The following PPP6C variants were observed in gnomAD, a reference collection of about 807,000 sequenced individuals.
PPP6C encodes the protein serine/threonine-protein phosphatase 6 catalytic subunit.
A neutral mutation model predicts 39.8 loss-of-function variants in PPP6C; 11 were observed. That is an observed-to-expected ratio of 0.28 (90% CI 0.17 to 0.46). The LOEUF (loss-of-function observed/expected upper bound fraction) is 0.46. Among genes scored for constraint, PPP6C ranks in the 20% least tolerant of loss-of-function variants. The probability of loss-of-function intolerance (pLI) is 1.00; values close to 1 mark genes in which losing one functional copy is unlikely to be tolerated. For synonymous variants in PPP6C, 129 were observed against 130.3 expected (o/e 0.99, Z 0.07); for missense variants, 211 against 373.9 (o/e 0.56, Z 3.59).
chr9:125,187,742 A>G (rs1332800643), intron 1 of PPP6C, among the ~76,000 whole-genome samples: 10 of 151,998 alleles, frequency 6.6e-5, no homozygotes. Context: ...TTAGTTTTCC[A>G]TGAATTGGGT....
intron 4 of PPP6C, among the ~76,000 whole-genome samples, chr9:125,154,842 T>G (rs998550451): frequency 6.6e-6 from 1 of 152,174 alleles, no homozygotes; most frequent in Non-Finnish European, 1.5e-5. Flanking sequence ...TGAGGACAGA[T>G]TGCCAATCAG....
chr9:125,184,865 C>A (rs1394731770), intron 1 of PPP6C, among the ~76,000 whole-genome samples: 1 of 150,792 alleles, frequency 6.6e-6, no homozygotes, highest in African/African-American at 2.4e-5. Context: ...ACCTGTAATC[C>A]CAGCTGAGGC....
In PPP6C at chr9:125,174,555, A is replaced by G. The variant is rs80189701; in HGVS notation, c.76-3375T>C. Reference sequence around the variant, plus strand: ...TTTGTGTTGAATTTTCCACACCTATATGCTTCAACAAATCAATCCATGGTC... The same window carrying G: ...TTTGTGTTGAATTTTCCACACCTATGTGCTTCAACAAATCAATCCATGGTC... On this transcript the variant is annotated intron_variant, in intron 1 of 6. Transcript: ENST00000373547. Among the ~76,000 whole-genome samples the G allele has an allele frequency of 9.7e-4, 147 of 151,922 alleles. 1 individual carries two copies. The highest frequency in any genetic ancestry group is 3.4e-3 in the African/African-American group (139 of 41,450).
rs1396703747 is a variant in PPP6C, at chr9:125,160,901, A to G, written c.177T>C (p.Tyr59=). ...TVCGDIHGQF[Y]DLCELFRTGG... ...CAGTTCTGAACAGTTCACAAAGGTC[A>G]TAAAACTATAAAAGAAATGCAATAC... The change falls in exon 3 of 7, where the codon TAT becomes TAC. Residue 59 remains tyrosine (Y), a synonymous_variant. Coordinates refer to ENST00000373547, the MANE Select transcript of PPP6C (RefSeq NM_002721.5). 1 of 1,570,838 alleles carries G rather than the reference A, an allele frequency of 6.4e-7. No individual in the cohort carries two copies. The highest frequency in any genetic ancestry group is 8.6e-7 in the Non-Finnish European group (1 of 1,162,764).
At chr9:125,164,218 CTTTT>C (rs10684647) in intron 2 of PPP6C, among the ~76,000 whole-genome samples, 1 of 74,752 alleles carries the variant, frequency 1.3e-5, no homozygotes, top group Non-Finnish European at 2.6e-5. Context: ...CCCTCACTCT[CTTTT>C]TTTTTTTTTT....
chr9:125,155,999 GGTGT>G (rs1588274646), intron 4 of PPP6C, among the ~76,000 whole-genome samples: 1 of 151,478 alleles, frequency 6.6e-6, no homozygotes, highest in African/African-American at 2.4e-5. Flanking sequence ...ATATATAGTA[GGTGT>G]GTGTGTTTTT....
At chr9:125,156,361 C>T (rs907575861) in intron 4 of PPP6C, among the ~76,000 whole-genome samples, 4 of 152,284 alleles carry the variant, frequency 2.6e-5, no homozygotes, top group Admixed American at 2.6e-4. Flanking sequence ...GCAACCTCCA[C>T]CTCCCGGGTT....
intron 1 of PPP6C, among the ~76,000 whole-genome samples, chr9:125,173,500 C>G (rs1829222951): frequency 6.6e-6 from 1 of 150,768 alleles, no homozygotes; most frequent in Non-Finnish European, 1.5e-5. Flanking sequence ...ATCGCTTGAA[C>G]CCAGGAGACA....
chr9:125,152,121 G>T (rs555784454), intron 6 of PPP6C, among the ~76,000 whole-genome samples: 1 of 152,058 alleles, frequency 6.6e-6, no homozygotes, highest in Non-Finnish European at 1.5e-5. Flanking sequence ...GGGGGTGGGG[G>T]GTGGTTGAGG....
At chr9:125,177,631 A>G (rs890649720) in intron 1 of PPP6C, among the ~76,000 whole-genome samples, 1 of 152,098 alleles carries the variant, frequency 6.6e-6, no homozygotes, top group Non-Finnish European at 1.5e-5. Context: ...AACATCTCAC[A>G]CTTGAGTGGT....
intron 1 of PPP6C, among the ~76,000 whole-genome samples, chr9:125,178,224 C>G (rs564400238): frequency 6.6e-6 from 1 of 152,274 alleles, no homozygotes; most frequent in East Asian, 1.9e-4. Flanking sequence ...AAGAAACTGC[C>G]AAACCGTCTT....
At chr9:125,172,503 C>T (rs1268871860) in intron 1 of PPP6C, among the ~76,000 whole-genome samples, 1 of 152,082 alleles carries the variant, frequency 6.6e-6, no homozygotes, top group East Asian at 1.9e-4. Flanking sequence ...CCACTGCACT[C>T]GGCCGTGTTT....
Position 125,189,785 on chromosome 9 carries a change from AG to A in PPP6C, c.-68del. On this transcript the variant is annotated 5_prime_UTR_variant, in exon 1 of 7. Coordinates refer to ENST00000373547, the MANE Select transcript of PPP6C (RefSeq NM_002721.5). ...GTAGCAGCGGCGGCGGCAGCGGCGG[AG>A]GCCGAAGCCGGAACTTTCCCTGCGT... 6.6e-7 allele frequency: 1 copy of A among 1,522,414 alleles called. No individual in the cohort carries two copies. Among genetic ancestry groups the A allele is most frequent in the Non-Finnish European group, 8.8e-7 (1 of 1,136,062 alleles). The allele number at this position is 1,522,414 out of a possible 1,614,324, so 94.3% of individuals were successfully genotyped here. A position where few individuals can be genotyped will look rare whatever the true frequency, so the allele number is the denominator to read the frequency against.
intron 4 of PPP6C, among the ~76,000 whole-genome samples, chr9:125,156,317 A>C (rs538658587): frequency 6.6e-6 from 1 of 152,354 alleles, no homozygotes; most frequent in East Asian, 1.9e-4. Context: ...ACTGTCATCC[A>C]GGCTGGAGTG....
At chr9:125,188,876 T>TA in intron 1 of PPP6C, 6 of 1,476,888 alleles carry the variant, frequency 4.1e-6, no homozygotes, top group Non-Finnish European at 5.5e-6. Context: ...TACCCATACA[T>TA]ACATTTACTC....
intron 4 of PPP6C, among the ~76,000 whole-genome samples, chr9:125,155,850 A>G (rs1488325513): frequency 2.0e-5 from 3 of 149,850 alleles, no homozygotes; most frequent in Non-Finnish European, 4.4e-5. Flanking sequence ...GCTTGCAGTG[A>G]GCGAAGATCG....
intron 1 of PPP6C, among the ~76,000 whole-genome samples, chr9:125,186,938 CTTTTTTTTTTTT>C (rs1168730026): frequency 1.2e-5 from 1 of 83,664 alleles, no homozygotes; most frequent in Non-Finnish European, 2.2e-5. Flanking sequence ...ATTTTTCTTT[CTTTTTTTTTTTT>C]TTTTTTTTTT....
rs570690946 is a variant in PPP6C, at chr9:125,153,895, T to A, written c.459+11A>T. Reference sequence around the variant, plus strand: ...AGGAACGTACATGAGACTTTAAAAATAGAAACTTACAGCTGCTACTGTGAG... The same window carrying A: ...AGGAACGTACATGAGACTTTAAAAAAAGAAACTTACAGCTGCTACTGTGAG... On this transcript the variant is annotated intron_variant, in intron 5 of 6. Transcript: ENST00000373547. 1 of 1,589,086 alleles carries A rather than the reference T, an allele frequency of 6.3e-7. No homozygotes were observed. The highest frequency in any genetic ancestry group is 1.1e-5 in the South Asian group (1 of 89,830).
intron 2 of PPP6C, among the ~76,000 whole-genome samples, chr9:125,165,897 A>G (rs1006631236): frequency 6.7e-6 from 1 of 149,528 alleles, no homozygotes; most frequent in Non-Finnish European, 1.5e-5. Flanking sequence ...CCCAGGTTCA[A>G]GCAATTCTCA....
Sources: allele counts gnomAD v4.1 joint callset (sites outside exome capture counted in the v4.1 genomes callset), GRCh38; gene constraint gnomAD v4.1.1; transcripts MANE v1.5; gene names NCBI Gene and HGNC (gene_info 2026-07-23, HGNC 2026-07-21).